Variants in KCNQ1 observed in about 807,000 individuals in gnomAD.
KCNQ1 encodes potassium voltage-gated channel subfamily Q member 1, also known as potassium voltage-gated channel subfamily KQT member 1.
A neutral mutation model predicts 72.4 loss-of-function variants in KCNQ1; 49 were observed. The observed-to-expected ratio is 0.68, with a 90% CI of 0.54 to 0.86. The LOEUF is 0.86. Ranked by LOEUF, KCNQ1 falls within the 40% of genes least tolerant of loss-of-function variation. The pLI is 0.00. For synonymous variants in KCNQ1, 450 were observed against 412.6 expected (o/e 1.09, Z -1.10); for missense variants, 790 against 945.1 (o/e 0.84, Z 2.15).
chr11:2,655,948 G>C (rs1423638987), intron 10 of KCNQ1: 1 of 398,566 alleles, frequency 2.5e-6, no homozygotes, highest in Non-Finnish European at 4.4e-6. Context: ...TTCCTCTCTG[G>C]CAGGTGCAGG....
At chr11:2,570,509 T>C in intron 2 of KCNQ1, 119 bp from the exon 3 acceptor site, 1 of 1,384,040 alleles carries the variant, frequency 7.2e-7, no homozygotes, top group Non-Finnish European at 1.0e-6. Flanking sequence ...CCGGGCCTGC[T>C]GTTCTCAGGG....
Position 2,725,972 on chromosome 11 carries a change from C to G in KCNQ1, c.1515-42872C>G, listed in dbSNP as rs2133935394. Among the ~76,000 whole-genome samples, 1 of 152,356 alleles carries G rather than the reference C, an allele frequency of 6.6e-6. No individual in the cohort carries two copies. The highest frequency in any genetic ancestry group is 3.4e-3 in the Middle Eastern group (1 of 294). On this transcript the variant is annotated intron_variant, in intron 11 of 15. Coordinates refer to ENST00000155840, the MANE Select transcript of KCNQ1 (RefSeq NM_000218.3). This position sits in a 1 kb window ranked among gnomAD's most constrained non-coding sequence, Gnocchi z 7.2. ...CTTCCCCACTAATTTGTGATAAGGCCTCGCCAAGAAAAACAGCAGGCTAAA... is the reference window on the plus strand; with the variant it reads ...CTTCCCCACTAATTTGTGATAAGGCGTCGCCAAGAAAAACAGCAGGCTAAA...
chr11:2,670,479 A>G lies in KCNQ1; in HGVS notation c.1514+8398A>G, dbSNP rs1850163251. The G allele has an allele frequency of 2.5e-6, 1 of 397,404 alleles. No individual in the cohort carries two copies. The highest frequency in any genetic ancestry group is 3.6e-5 in the East Asian group (1 of 28,034). 24.6% of individuals were successfully genotyped at this position (397,404 alleles called of 1,614,324 possible). The stretch of plus-strand genomic sequence containing the variant: ...AGCCCACATCCTTGGTAGGTCCCTC[A>G]GAGAGCATCTAGTGGGCCTGTCCTC... On this transcript the variant is annotated intron_variant, in intron 11 of 15. Coordinates refer to ENST00000155840, the MANE Select transcript of KCNQ1 (RefSeq NM_000218.3). The surrounding 1 kb of genome is among the most constrained non-coding windows in gnomAD (Gnocchi z 4.9).
At position 2,711,010 on chromosome 11, in the gene KCNQ1, A is replaced by C. The variant is rs952376455; in HGVS notation, c.1514+48929A>C. On this transcript the variant is annotated intron_variant, in intron 11 of 15. Transcript: ENST00000155840. This position sits in a 1 kb window ranked among gnomAD's most constrained non-coding sequence, Gnocchi z 5.4. ...ACAATCAGCTTGTCAATTTCTGCAA[A>C]GAAACCATCTGGGATACCAATAGGG... is the stretch of plus-strand genomic sequence containing the variant. Among the ~76,000 whole-genome samples the C allele has an allele frequency of 1.3e-5, 2 of 152,224 alleles. No homozygotes were observed. Among genetic ancestry groups the C allele is most frequent in the African/African-American group, 2.4e-5 (1 of 41,462 alleles).
In KCNQ1 at chr11:2,642,031, TTA is replaced by T. The variant is rs1218795506; in HGVS notation, c.1394-19926_1394-19925del. 10 of 398,224 alleles carry T rather than the reference TTA, an allele frequency of 2.5e-5. No individual in the cohort carries two copies. The highest frequency in any genetic ancestry group is 2.2e-5 in the Non-Finnish European group (5 of 225,882). The allele number at this position is 398,224 out of a possible 1,614,324, so 24.7% of individuals were successfully genotyped here. A position where few individuals can be genotyped will look rare whatever the true frequency, so the allele number is the denominator to read the frequency against. On this transcript the variant is annotated intron_variant, in intron 10 of 15. Transcript: ENST00000155840. This position sits in a 1 kb window ranked among gnomAD's most constrained non-coding sequence, Gnocchi z 4.3. ...CCATGCTGCTTTTAATGCTATAGCC[TTA>T]TATTTTTAAATCAGGCAGTGTGATG...
intron 15 of KCNQ1, among the ~76,000 whole-genome samples, chr11:2,821,707 C>T (rs945907967): frequency 2.0e-5 from 3 of 152,154 alleles, no homozygotes; most frequent in Admixed American, 6.5e-5. Context: ...TCACCTTGTT[C>T]CCTGTGCCCA....
At chr11:2,554,537 G>T (rs1449319806) in intron 2 of KCNQ1, among the ~76,000 whole-genome samples, 1 of 152,326 alleles carries the variant, frequency 6.6e-6, no homozygotes, top group Non-Finnish European at 1.5e-5. Context: ...GCCCTGAGAG[G>T]GGGCCTGGGC....
At chr11:2,776,552 A>G (rs891058888) in intron 13 of KCNQ1, among the ~76,000 whole-genome samples, 11 of 152,160 alleles carry the variant, frequency 7.2e-5, no homozygotes, top group African/African-American at 2.4e-4. Context: ...ATGTGTTCCC[A>G]TGGAGCTAGC....
At chr11:2,686,283 G>A in intron 11 of KCNQ1, 1 of 398,724 alleles carries the variant, frequency 2.5e-6, no homozygotes, top group Non-Finnish European at 4.4e-6. Context: ...CCACTGGCTT[G>A]GGAGGCCAGA....
At position 2,679,277 on chromosome 11, in the gene KCNQ1, C is replaced by A. The variant is rs114495976; in HGVS notation, c.1514+17196C>A. The A allele has an allele frequency of 2.5e-6, 1 of 398,480 alleles. No individual in the cohort carries two copies. The highest frequency in any genetic ancestry group is 4.4e-5 in the Admixed American group (1 of 22,710). The allele number at this position is 398,480 out of a possible 1,614,324, so 24.7% of individuals were successfully genotyped here. A position where few individuals can be genotyped will look rare whatever the true frequency, so the allele number is the denominator to read the frequency against. ...CTTGGCTGTGCTCTCCTTTACTAAT[C>A]CATAGCCAAAGACAGGGGCTAATAA... On this transcript the variant is annotated intron_variant, in intron 11 of 15. Transcript: ENST00000155840. The surrounding 1 kb of genome is among the most constrained non-coding windows in gnomAD (Gnocchi z 4.8).
chr11:2,539,140 G>A (rs1016376837), intron 2 of KCNQ1, among the ~76,000 whole-genome samples: 15 of 152,162 alleles, frequency 9.9e-5, no homozygotes, highest in African/African-American at 3.6e-4. Context: ...CCCTCTGGGG[G>A]GCAAGGTGCC....
At chr11:2,625,163 C>T (rs1849243150) in intron 10 of KCNQ1, 2 of 398,668 alleles carry the variant, frequency 5.0e-6, no homozygotes, top group Non-Finnish European at 8.8e-6. Context: ...AACTGTTTAA[C>T]ACAGAGGCTG....
In KCNQ1 at chr11:2,447,072, C is replaced by G. The variant is rs1335767634; in HGVS notation, c.386+1588C>G. On this transcript the variant is annotated intron_variant, in intron 1 of 15. Transcript: ENST00000155840. The surrounding 1 kb of genome is among the most constrained non-coding windows in gnomAD (Gnocchi z 7.6). ...TGCCCGCAGACCCCCTCAATTCTCA[C>G]TTGTATTCAGGTTTGTGGACACATG... is the stretch of plus-strand genomic sequence containing the variant. 6.6e-6 allele frequency among the ~76,000 whole-genome samples: 1 copy of G among 152,220 alleles called. No homozygotes were observed. The highest frequency in any genetic ancestry group is 1.5e-5 in the Non-Finnish European group (1 of 68,034).
rs1850116307 is a variant in KCNQ1, at chr11:2,668,100, C to G, written c.1514+6019C>G. The G allele has an allele frequency of 5.0e-6, 2 of 398,576 alleles. No homozygotes were observed. Among genetic ancestry groups the G allele is most frequent in the Non-Finnish European group, 8.8e-6 (2 of 226,054 alleles). The allele number at this position is 398,576 out of a possible 1,614,324, so 24.7% of individuals were successfully genotyped here. ...ACTCATACACCTTTGTGTCCAATGT[C>G]CCTCACTCAATTTGATGTCTGGCAG... On this transcript the variant is annotated intron_variant, in intron 11 of 15. Coordinates refer to ENST00000155840, the MANE Select transcript of KCNQ1 (RefSeq NM_000218.3). The surrounding 1 kb of genome is among the most constrained non-coding windows in gnomAD (Gnocchi z 4.3).
At position 2,769,510 on chromosome 11, in the gene KCNQ1, C is replaced by A. The variant is rs559101955; in HGVS notation, c.1590+591C>A. Among the ~76,000 whole-genome samples the A allele has an allele frequency of 6.6e-6, 1 of 152,236 alleles. No homozygotes were observed. Among genetic ancestry groups the A allele is most frequent in the East Asian group, 1.9e-4 (1 of 5,186 alleles). ...CTAACTTCTCCAGGGGCATGTCCCC[C>A]CTACAGAAGCCCCTTAGAGCCCCCA... On this transcript the variant is annotated intron_variant, in intron 12 of 15. Coordinates refer to ENST00000155840, the MANE Select transcript of KCNQ1 (RefSeq NM_000218.3). The surrounding 1 kb of genome is among the most constrained non-coding windows in gnomAD (Gnocchi z 4.6).
chr11:2,612,522 G>T lies in KCNQ1; in HGVS notation c.1393+23668G>T. 1 of 398,518 alleles carries T rather than the reference G, an allele frequency of 2.5e-6. No individual in the cohort carries two copies. Among genetic ancestry groups the T allele is most frequent in the Non-Finnish European group, 4.4e-6 (1 of 226,032 alleles). The allele number at this position is 398,518 out of a possible 1,614,324, so 24.7% of individuals were successfully genotyped here. ...TTCTTTCTTCTGCCAGGTCAAATTT[G>T]CTTAGCCGCACTAGTGAGTTTTTCA... On this transcript the variant is annotated intron_variant, in intron 10 of 15. Transcript: ENST00000155840. The surrounding 1 kb of genome is among the most constrained non-coding windows in gnomAD (Gnocchi z 5.5).
intron 11 of KCNQ1, chr11:2,692,226 TGCCCATCACCTCAA>T: frequency 2.5e-6 from 1 of 398,998 alleles, no homozygotes; most frequent in Non-Finnish European, 4.4e-6. Flanking sequence ...CCTCACCACC[TGCCCATCACCTCAA>T]GCCCATCACC....
At chr11:2,733,419 G>A (rs1378990907) in intron 11 of KCNQ1, among the ~76,000 whole-genome samples, 1 of 152,060 alleles carries the variant, frequency 6.6e-6, no homozygotes, top group Non-Finnish European at 1.5e-5. Flanking sequence ...TTCCAGACAG[G>A]CTGGCCCAGG....
intron 15 of KCNQ1, among the ~76,000 whole-genome samples, chr11:2,810,275 A>G (rs1203778887): frequency 6.6e-6 from 1 of 152,106 alleles, no homozygotes; most frequent in Non-Finnish European, 1.5e-5. Context: ...TTGTTCATTG[A>G]CTGTTCTGGG....
Sources: allele counts gnomAD v4.1 joint callset (sites outside exome capture counted in the v4.1 genomes callset), GRCh38; gene constraint gnomAD v4.1.1; non-coding constraint Gnocchi (gnomAD v3.1); transcripts MANE v1.5; gene names NCBI Gene and HGNC (gene_info 2026-07-23, HGNC 2026-07-21).